FBN2: variants seen among roughly 807,000 people sequenced by gnomAD.
FBN2 encodes the protein fibrillin-2.
FBN2 carries 105 observed loss-of-function variants against 355.6 expected under a neutral mutation model. The observed-to-expected ratio is 0.30, with a 90% CI of 0.25 to 0.35. The LOEUF is 0.35. FBN2 is among the 10% of genes least tolerant of loss of function. The pLI is 1.00. For missense variants in FBN2, 3,280 were observed against 3,758.7 expected, an observed-to-expected ratio of 0.87 and a Z score of 3.33; for synonymous variants, 1,350 against 1,301.2, an observed-to-expected ratio of 1.04 and a Z score of -0.81.
At chr5:128,461,842 G>A (rs1163867510) in intron 6 of FBN2, among the ~76,000 whole-genome samples, 2 of 150,382 alleles carry the variant, frequency 1.3e-5, no homozygotes, top group Non-Finnish European at 3.0e-5. Context: ...CACACACCAG[G>A]GCCTGTTGGG....
At chr5:128,480,555 C>T (rs1755154253) in intron 5 of FBN2, among the ~76,000 whole-genome samples, 1 of 152,046 alleles carries the variant, frequency 6.6e-6, no homozygotes, top group Admixed American at 6.6e-5. Flanking sequence ...TACAAAAATA[C>T]AAAAATTAGC....
chr5:128,518,610 C>A (rs1218156285), intron 5 of FBN2, among the ~76,000 whole-genome samples: 1 of 152,182 alleles, frequency 6.6e-6, no homozygotes, highest in Non-Finnish European at 1.5e-5. Flanking sequence ...TTAAACCAGG[C>A]AGCGTACAAA....
At chr5:128,523,297 T>A (rs1756483434) in intron 4 of FBN2, among the ~76,000 whole-genome samples, 1 of 152,152 alleles carries the variant, frequency 6.6e-6, no homozygotes, top group Non-Finnish European at 1.5e-5. Context: ...TTGCTATTGG[T>A]GCTGCCTTCT....
chr5:128,363,990 T>C (rs1449121770), intron 18 of FBN2, among the ~76,000 whole-genome samples: 2 of 152,208 alleles, frequency 1.3e-5, no homozygotes, highest in Admixed American at 6.5e-5. Context: ...TCATGCACAA[T>C]GATGGATTGA....
chr5:128,353,155 G>A (rs1751412376), intron 20 of FBN2, among the ~76,000 whole-genome samples: 1 of 150,520 alleles, frequency 6.6e-6, no homozygotes. Flanking sequence ...GTGACACAGT[G>A]AGACCCTGTC....
At chr5:128,530,844 A>C in intron 2 of FBN2, 151 bp from the exon 3 acceptor site, 1 of 638,378 alleles carries the variant, frequency 1.6e-6, no homozygotes, top group East Asian at 2.8e-5. Context: ...CAATAAAATT[A>C]CCCATTGCAG....
At chr5:128,328,885 C>A in intron 33 of FBN2, 64 bp from the exon 34 acceptor site, 1 of 1,566,372 alleles carries the variant, frequency 6.4e-7, no homozygotes, top group Non-Finnish European at 8.8e-7. Context: ...TTTCTCCTTG[C>A]TCTATAAATA....
chr5:128,348,997 G>T (rs893085542), intron 23 of FBN2, among the ~76,000 whole-genome samples: 1 of 152,092 alleles, frequency 6.6e-6, no homozygotes. Context: ...GCAATGAGCT[G>T]ACAAATGTAA....
chr5:128,496,200 C>T (rs1353047493), intron 5 of FBN2, among the ~76,000 whole-genome samples: 1 of 152,050 alleles, frequency 6.6e-6, no homozygotes, highest in Non-Finnish European at 1.5e-5. Flanking sequence ...CACAATTACA[C>T]TGATACCAAA....
At chr5:128,460,443 T>C (rs1430704635) in intron 6 of FBN2, among the ~76,000 whole-genome samples, 1 of 152,162 alleles carries the variant, frequency 6.6e-6, no homozygotes, top group Admixed American at 6.5e-5. Context: ...AAGTAATTTA[T>C]AGATTCAATG....
At position 128,309,375 on chromosome 5, in the gene FBN2, C is replaced by T. The variant is rs774411234; in HGVS notation, c.5225G>A (p.Arg1742Gln). 33 of 1,613,776 alleles carry T rather than the reference C, an allele frequency of 2.0e-5. No individual in the cohort carries two copies. The highest frequency in any genetic ancestry group is 1.9e-5 in the Non-Finnish European group (22 of 1,179,864). ...CTCACAAGTGGTTCCATTATAGCTTCGGTAGCAAAAGCTTTTTCTCATGTC... is the reference window on the plus strand; with the variant it reads ...CTCACAAGTGGTTCCATTATAGCTTTGGTAGCAAAAGCTTTTTCTCATGTC... ...CMDMRKSFCY[R>Q]SYNGTTCENE... The change falls in exon 41 of 65, where the codon CGA (arginine) becomes CAA (glutamine). Residue 1742 changes from arginine to glutamine, a missense_variant. Physicochemically the swap from Arg to Gln is conservative, Grantham distance 43. Transcript: ENST00000262464.
At chr5:128,288,675 C>A in intron 52 of FBN2, 118 bp from the exon 53 acceptor site, 1 of 1,162,646 alleles carries the variant, frequency 8.6e-7, no homozygotes, top group African/African-American at 1.5e-5. Flanking sequence ...CACATGTAAC[C>A]CTGGCATCCC....
chr5:128,349,976 T>C lies in FBN2; in HGVS notation c.2842A>G (p.Ile948Val). The C allele has an allele frequency of 1.9e-6, 3 of 1,613,996 alleles. No homozygotes were observed. The highest frequency in any genetic ancestry group is 2.5e-6 in the Non-Finnish European group (3 of 1,179,840). Reference protein sequence around the residue: ...DTACPRGLARIKGVTCEDVNE... With the variant: ...DTACPRGLARVKGVTCEDVNE... ...TCACCTTCACACGTAACACCTTTAA[T>C]CCTGGCAAGCCCTCTTGGGCAAGCT... The change falls in exon 22 of 65, where the codon ATT becomes GTT. Residue 948 changes from isoleucine to valine, a missense_variant. Physicochemically the swap from Ile to Val is conservative, Grantham distance 29. Transcript: ENST00000262464.
intron 5 of FBN2, among the ~76,000 whole-genome samples, chr5:128,495,372 A>C (rs749146090): frequency 2.0e-5 from 3 of 152,248 alleles, no homozygotes; most frequent in East Asian, 1.9e-4. Context: ...GAAGAGGAGG[A>C]AAAGAACAGT....
intron 9 of FBN2, 77 bp downstream of exon 9, chr5:128,395,045 C>CA (rs1298730095): frequency 1.3e-6 from 2 of 1,555,140 alleles, no homozygotes; most frequent in African/African-American, 1.4e-5. Context: ...CTTGGTCTCC[C>CA]AGAGAGCAAA....
At chr5:128,299,187 C>T (rs924652323) in intron 48 of FBN2, among the ~76,000 whole-genome samples, 6 of 151,686 alleles carry the variant, frequency 4.0e-5, no homozygotes, top group South Asian at 2.1e-4. Context: ...GCAGTCTGCC[C>T]GTTCTCAGAT....
Position 128,473,792 on chromosome 5 carries a change from C to T in FBN2, c.629-8871G>A, listed in dbSNP as rs151189416. On this transcript the variant is annotated intron_variant, in intron 5 of 64. Coordinates refer to ENST00000262464, the MANE Select transcript of FBN2 (RefSeq NM_001999.4). ...TGAGTCTCCATCTAGCCGTGTTACA[C>T]CAGGGAGAAATTATCTCTGTGCATT... Among the ~76,000 whole-genome samples, 1,101 of 152,280 alleles carry T rather than the reference C, an allele frequency of 7.2e-3. 12 individuals are homozygous for T. Among genetic ancestry groups the T allele is most frequent in the Non-Finnish European group, 0.011 (718 of 68,034 alleles).
intron 17 of FBN2, among the ~76,000 whole-genome samples, chr5:128,365,887 A>C (rs951827510): frequency 1.3e-5 from 2 of 151,830 alleles, no homozygotes; most frequent in Non-Finnish European, 2.9e-5. Flanking sequence ...ATTTTAGTGA[A>C]TCTTACTTCT....
intron 8 of FBN2, among the ~76,000 whole-genome samples, chr5:128,400,387 T>G (rs1581264930): frequency 6.6e-6 from 1 of 152,042 alleles, no homozygotes. Context: ...AAATAAAAAA[T>G]TACTAGACTA....
Sources: allele counts gnomAD v4.1 joint callset (sites outside exome capture counted in the v4.1 genomes callset), GRCh38; gene constraint gnomAD v4.1.1; transcripts MANE v1.5; gene names NCBI Gene and HGNC (gene_info 2026-07-23, HGNC 2026-07-21).